The following DOCK1 variants were observed in gnomAD, a reference collection of about 807,000 sequenced individuals.
The protein encoded by DOCK1 is dedicator of cytokinesis 1.
A neutral mutation model predicts 262.7 loss-of-function variants in DOCK1; 138 were observed. The observed-to-expected ratio is 0.53, with a 90% CI of 0.46 to 0.61. DOCK1 has a LOEUF of 0.61. Ranked by LOEUF, DOCK1 falls within the 20% of genes least tolerant of loss-of-function variation. The pLI, the probability that DOCK1 is intolerant of heterozygous loss-of-function variation, is 0.00. For synonymous variants in DOCK1, 866 were observed against 867.4 expected (o/e 1.00, Z 0.03); for missense variants, 1,908 against 2,370.7 (o/e 0.80, Z 4.05).
At chr10:127,322,571 C>T (rs2766045) in intron 29 of DOCK1, among the ~76,000 whole-genome samples, 76,712 of 152,036 alleles carry the variant, frequency 0.5, 19,870 homozygotes, top group African/African-American at 0.63. Context: ...AGTGTGTATG[C>T]ATGTGTGTGT....
chr10:127,447,595 G>C, intron 51 of DOCK1, 50 bp downstream of exon 51: 2 of 1,598,148 alleles, frequency 1.3e-6, no homozygotes, highest in Non-Finnish European at 1.7e-6. Flanking sequence ...CCTCCACAAA[G>C]TAGGACGAGT....
intron 29 of DOCK1, among the ~76,000 whole-genome samples, chr10:127,332,530 G>A (rs2063029679): frequency 6.6e-6 from 1 of 152,036 alleles, no homozygotes; most frequent in South Asian, 2.1e-4. Context: ...CAAATATGCA[G>A]ACTCCAGAGC....
intron 1 of DOCK1, among the ~76,000 whole-genome samples, chr10:126,912,049 C>G (rs2031848343): frequency 7.2e-5 from 11 of 152,170 alleles, no homozygotes; most frequent in Admixed American, 7.2e-4. Flanking sequence ...TGAGACCTCT[C>G]TCCTTGGGTT....
At chr10:127,375,121 T>G (rs549145547) in intron 35 of DOCK1, among the ~76,000 whole-genome samples, 134 of 152,360 alleles carry the variant, frequency 8.8e-4, no homozygotes, top group Non-Finnish European at 1.5e-3. Context: ...GATGTCATTG[T>G]GGTCCCTAAT....
intron 38 of DOCK1, among the ~76,000 whole-genome samples, chr10:127,386,990 G>A (rs1351807611): frequency 2.6e-5 from 4 of 152,130 alleles, no homozygotes; most frequent in Admixed American, 6.5e-5. Context: ...ATCCCTTCCC[G>A]GCAGTGGCTT....
intron 27 of DOCK1, among the ~76,000 whole-genome samples, chr10:127,177,848 G>C (rs918592528): frequency 2.0e-5 from 3 of 152,206 alleles, no homozygotes; most frequent in Non-Finnish European, 2.9e-5. Flanking sequence ...GTTCCTGAAG[G>C]TCAAGGCTAC....
At chr10:127,361,808 A>T (rs2064467480) in intron 32 of DOCK1, among the ~76,000 whole-genome samples, 2 of 152,284 alleles carry the variant, frequency 1.3e-5, no homozygotes, top group Non-Finnish European at 2.9e-5. Flanking sequence ...TCTCTGACAG[A>T]GAAGTCATGA....
chr10:127,315,395 G>A (rs894680357), intron 29 of DOCK1, among the ~76,000 whole-genome samples: 1 of 152,020 alleles, frequency 6.6e-6, no homozygotes, highest in Admixed American at 6.6e-5. Context: ...CATCTGACTG[G>A]TGTCTTTATA....
intron 29 of DOCK1, among the ~76,000 whole-genome samples, chr10:127,258,663 G>A (rs2059908872): frequency 6.6e-6 from 1 of 152,212 alleles, no homozygotes; most frequent in Non-Finnish European, 1.5e-5. Context: ...ATGCCTTCCT[G>A]GACAAATGCT....
chr10:127,158,231 A>C (rs2053266356), intron 27 of DOCK1, among the ~76,000 whole-genome samples: 4 of 152,260 alleles, frequency 2.6e-5, no homozygotes. Context: ...CACATCAGAA[A>C]ACAGTACTTT....
intron 29 of DOCK1, among the ~76,000 whole-genome samples, chr10:127,294,073 G>A (rs1055680620): frequency 1.2e-4 from 19 of 152,134 alleles, no homozygotes; most frequent in African/African-American, 4.6e-4. Context: ...TACCCTCCAG[G>A]GCAGGTGCAG....
intron 46 of DOCK1, 90 bp from the exon 47 acceptor site, chr10:127,425,784 G>A (rs555655390): frequency 7.1e-5 from 111 of 1,552,696 alleles, no homozygotes; most frequent in African/African-American, 5.4e-4. Context: ...AAAGCAGATC[G>A]TTTTGCCAGT....
chr10:127,449,300 TCTC>T (rs1431240875), intron 51 of DOCK1, among the ~76,000 whole-genome samples: 1 of 152,158 alleles, frequency 6.6e-6, no homozygotes, highest in East Asian at 1.9e-4. Context: ...TTGGTCACAT[TCTC>T]TTCTCTCTAT....
intron 1 of DOCK1, among the ~76,000 whole-genome samples, chr10:126,938,982 G>C (rs2034771380): frequency 5.9e-5 from 6 of 102,296 alleles, no homozygotes; most frequent in Non-Finnish European, 3.8e-5. Flanking sequence ...ACACCGGGGG[G>C]GATGAGCACC....
At chr10:127,304,544 A>G (rs897658021) in intron 29 of DOCK1, among the ~76,000 whole-genome samples, 3 of 152,252 alleles carry the variant, frequency 2.0e-5, no homozygotes, top group Non-Finnish European at 4.4e-5. Flanking sequence ...AAAACGTGGA[A>G]GCTATTTTTA....
At chr10:127,066,858 G>A (rs2045910437) in intron 23 of DOCK1, among the ~76,000 whole-genome samples, 1 of 152,196 alleles carries the variant, frequency 6.6e-6, no homozygotes, top group African/African-American at 2.4e-5. Context: ...CCTACCCAAG[G>A]CCACAAGAGC....
At chr10:127,397,602 G>A (rs1468324345) in intron 38 of DOCK1, among the ~76,000 whole-genome samples, 2 of 151,854 alleles carry the variant, frequency 1.3e-5, no homozygotes, top group Non-Finnish European at 2.9e-5. Context: ...TGAGTTACAC[G>A]GGCAGCGTCT....
chr10:127,251,385 TTTA>T (rs2059635793), intron 28 of DOCK1, among the ~76,000 whole-genome samples: 2 of 152,040 alleles, frequency 1.3e-5, no homozygotes, highest in Middle Eastern at 3.4e-3. Context: ...TTTTTTAAAT[TTTA>T]TTATTATTAT....
chr10:126,954,768 T>C (rs2036595848), intron 1 of DOCK1, among the ~76,000 whole-genome samples: 1 of 152,206 alleles, frequency 6.6e-6, no homozygotes. Flanking sequence ...CAGAATTTCC[T>C]TTTTTAGGTG....
Sources: gnomAD v4.1 joint callset for allele counts (sites outside exome capture counted in the v4.1 genomes callset) on GRCh38, gnomAD v4.1.1 for gene constraint, MANE v1.5 for transcripts, NCBI Gene and HGNC (gene_info 2026-07-23, HGNC 2026-07-21) for gene names.